Variants in FRYL observed in about 807,000 individuals in gnomAD.
FRYL encodes the protein protein furry homolog-like.
Under a neutral mutation model 351.2 loss-of-function variants are expected in FRYL, and 150 were observed. The observed-to-expected ratio is 0.43, with a 90% confidence interval of 0.37 to 0.49. The LOEUF (loss-of-function observed/expected upper bound fraction) is 0.49. Ranked by LOEUF, FRYL falls within the 20% of genes least tolerant of loss-of-function variation. FRYL has a pLI of 0.00. For missense variants in FRYL, 3,036 were observed against 3,619.3 expected, an observed-to-expected ratio of 0.84 and a Z score of 4.13; for synonymous variants, 1,153 against 1,257.1, an observed-to-expected ratio of 0.92 and a Z score of 1.75.
intron 1 of FRYL, among the ~76,000 whole-genome samples, chr4:48,717,170 G>C (rs1313428787): frequency 6.6e-6 from 1 of 150,452 alleles, no homozygotes; most frequent in Admixed American, 6.7e-5. Flanking sequence ...ATACCTAATG[G>C]TAGATGACGA....
chr4:48,577,613 A>C (rs558137828), intron 23 of FRYL, among the ~76,000 whole-genome samples: 2 of 152,314 alleles, frequency 1.3e-5, no homozygotes, highest in African/African-American at 4.8e-5. Flanking sequence ...GAGATAAAGA[A>C]TGCTGGTAGG....
chr4:48,531,660 AGTGGTAAACAAAACATTTGTATATAC>A (rs1160368524), intron 49 of FRYL, among the ~76,000 whole-genome samples: 15 of 152,366 alleles, frequency 9.8e-5, no homozygotes, highest in African/African-American at 3.4e-4. Flanking sequence ...ACTTGGCAGT[AGTGGTAAACAAAACATTTGTATATAC>A]GTCAGCTTTT....
chr4:48,590,903 C>G, intron 16 of FRYL, 73 bp from the exon 17 acceptor site: 2 of 1,112,936 alleles, frequency 1.8e-6, no homozygotes, highest in South Asian at 3.1e-5. Context: ...AGAAATATTT[C>G]ATCAGTAACA....
chr4:48,609,719 A>G, intron 8 of FRYL, 25 bp downstream of exon 8: 2 of 1,240,946 alleles, frequency 1.6e-6, no homozygotes, highest in Non-Finnish European at 2.3e-6. Flanking sequence ...AAAAGGCAAC[A>G]ATCCCAAGTT....
In FRYL at chr4:48,501,595, C is replaced by G. The variant is rs776306070; in HGVS notation, c.8592+28G>C. 9.8e-6 allele frequency: 12 copies of G among 1,228,708 alleles called. No individual in the cohort carries two copies. In the African/African-American group the frequency reaches 1.8e-4, roughly 18 times the overall value. The allele number at this position is 1,228,708 out of a possible 1,614,324, so 76.1% of individuals were successfully genotyped here. A position where few individuals can be genotyped will look rare whatever the true frequency, so the allele number is the denominator to read the frequency against. Reference sequence around the variant, plus strand: ...TTTAAAATTTTTTTAGAATCAGTTACTGATGCCTAATACAACTGAATATTT... The same window carrying G: ...TTTAAAATTTTTTTAGAATCAGTTAGTGATGCCTAATACAACTGAATATTT... On this transcript the variant is annotated intron_variant, in intron 62 of 63. Transcript: ENST00000358350.
chr4:48,606,222 G>A (rs865988541), intron 10 of FRYL, among the ~76,000 whole-genome samples: 6 of 151,512 alleles, frequency 4.0e-5, no homozygotes, highest in South Asian at 4.2e-4. Context: ...GCAGTGAGCC[G>A]AGATCATGCC....
intron 57 of FRYL, 111 bp downstream of exon 57, chr4:48,512,367 AAAT>A (rs1722659701): frequency 1.2e-6 from 1 of 815,774 alleles, no homozygotes. Flanking sequence ...TAGAAAAAAA[AAAT>A]TTGTTAAAAC....
chr4:48,636,781 G>T (rs1754316638), intron 3 of FRYL: 1 of 151,734 alleles, frequency 6.6e-6, no homozygotes, highest in African/African-American at 2.4e-5. Flanking sequence ...TTCTTAGTAG[G>T]TGTTTAATAA....
intron 1 of FRYL, among the ~76,000 whole-genome samples, chr4:48,748,820 T>TAAGAATCATGCAGTGGC (rs1301300071): frequency 6.6e-6 from 1 of 152,018 alleles, no homozygotes; most frequent in Non-Finnish European, 1.5e-5. Flanking sequence ...AAAAAGTAGG[T>TAAGAATCATGCAGTGGC]AAGAATCATG....
chr4:48,776,136 G>A (rs1485622181), intron 1 of FRYL, among the ~76,000 whole-genome samples: 1 of 148,914 alleles, frequency 6.7e-6, no homozygotes, highest in Non-Finnish European at 1.5e-5. Context: ...GCAGTGTTAT[G>A]TGACACTTTT....
chr4:48,522,645 T>C (rs1725155060), intron 54 of FRYL, among the ~76,000 whole-genome samples: 1 of 152,162 alleles, frequency 6.6e-6, no homozygotes, highest in Admixed American at 6.6e-5. Flanking sequence ...AGGCCTCTAA[T>C]AGGGCCCAAA....
At chr4:48,596,059 AC>A in intron 13 of FRYL, 59 bp from the exon 14 acceptor site, 1 of 1,106,604 alleles carries the variant, frequency 9.0e-7, no homozygotes, top group South Asian at 1.4e-5. Context: ...TTAACAGCAA[AC>A]ATATTCTCTG....
intron 3 of FRYL, among the ~76,000 whole-genome samples, chr4:48,639,002 T>C (rs1217471762): frequency 2.0e-5 from 3 of 152,028 alleles, no homozygotes; most frequent in African/African-American, 2.4e-5. Flanking sequence ...AAATACCTAA[T>C]GTAGATGACG....
At chr4:48,540,326 G>A (rs774080706) in intron 46 of FRYL, 27 bp downstream of exon 46, 86 of 1,598,626 alleles carry the variant, frequency 5.4e-5, no homozygotes, top group Non-Finnish European at 7.0e-5. Context: ...AAAATGCAAA[G>A]TGCTGGTGCA....
intron 28 of FRYL, among the ~76,000 whole-genome samples, chr4:48,566,335 G>T (rs568197959): frequency 8.5e-5 from 13 of 152,100 alleles, no homozygotes; most frequent in Non-Finnish European, 1.8e-4. Context: ...CCCCCATTTT[G>T]AAATTCTACT....
intron 7 of FRYL, among the ~76,000 whole-genome samples, chr4:48,611,069 T>C (rs1297531202): frequency 6.6e-6 from 1 of 151,926 alleles, no homozygotes; most frequent in Non-Finnish European, 1.5e-5. Context: ...ATTCTAGTTC[T>C]ACACAGTCAT....
chr4:48,713,839 C>T (rs1019873734), intron 1 of FRYL, among the ~76,000 whole-genome samples: 1 of 152,302 alleles, frequency 6.6e-6, no homozygotes, highest in Non-Finnish European at 1.5e-5. Context: ...CACCACACCA[C>T]ATCTATTCCA....
intron 1 of FRYL, among the ~76,000 whole-genome samples, chr4:48,768,568 G>C (rs1354169351): frequency 6.6e-6 from 1 of 152,124 alleles, no homozygotes; most frequent in African/African-American, 2.4e-5. Flanking sequence ...ACTCTGGAAG[G>C]CTGAGGTAGG....
chr4:48,626,828 G>T (rs540848121), intron 4 of FRYL, among the ~76,000 whole-genome samples: 1 of 152,006 alleles, frequency 6.6e-6, no homozygotes, highest in South Asian at 2.1e-4. Flanking sequence ...ATGAAAACAC[G>T]ATCACAAATG....
Sources: allele counts gnomAD v4.1 joint callset (sites outside exome capture counted in the v4.1 genomes callset), GRCh38; gene constraint gnomAD v4.1.1; transcripts MANE v1.5; gene names NCBI Gene and HGNC (gene_info 2026-07-23, HGNC 2026-07-21).